TTLL5: variants seen among roughly 807,000 people sequenced by gnomAD.
The protein encoded by TTLL5 is tubulin polyglutamylase TTLL5.
Under a neutral mutation model 168.4 loss-of-function variants are expected in TTLL5, and 132 were observed. That is an observed-to-expected ratio of 0.78 (90% CI 0.68 to 0.91). The LOEUF is 0.91. Among genes scored for constraint, TTLL5 ranks in the 40% least tolerant of loss-of-function variants. TTLL5 has a pLI of 0.00. For synonymous variants in TTLL5, 546 were observed against 558.6 expected (o/e 0.98, Z 0.32); for missense variants, 1,545 against 1,581.5 (o/e 0.98, Z 0.39).
At chr14:75,665,610 G>A (rs1005692558) in intron 2 of TTLL5, among the ~76,000 whole-genome samples, 1 of 152,226 alleles carries the variant, frequency 6.6e-6, no homozygotes, top group African/African-American at 2.4e-5. Context: ...TGTAATCCCA[G>A]CACTTTGGGA....
chr14:75,910,564 T>G (rs576819403), intron 31 of TTLL5, among the ~76,000 whole-genome samples: 195 of 152,336 alleles, frequency 1.3e-3, no homozygotes, highest in Non-Finnish European at 2.4e-3. Context: ...CCTCATATCC[T>G]CAGGGCATAA....
At chr14:75,831,547 C>T (rs1342267116) in intron 28 of TTLL5, among the ~76,000 whole-genome samples, 1 of 152,160 alleles carries the variant, frequency 6.6e-6, no homozygotes, top group African/African-American at 2.4e-5. Context: ...GCTGGAGGTT[C>T]TGACATGGCT....
intron 21 of TTLL5, among the ~76,000 whole-genome samples, chr14:75,773,962 AG>A (rs1891546497): frequency 4.2e-5 from 2 of 47,610 alleles, no homozygotes; most frequent in African/African-American, 6.7e-5. Flanking sequence ...AGAGAAAGAG[AG>A]AGAGAGAGAG....
chr14:75,858,974 A>G (rs1465177098), intron 28 of TTLL5, among the ~76,000 whole-genome samples: 1 of 152,150 alleles, frequency 6.6e-6, no homozygotes, highest in Non-Finnish European at 1.5e-5. Context: ...CTCCACCCCC[A>G]TCATTGTGAC....
chr14:75,750,559 A>G (rs1271382446), intron 17 of TTLL5, among the ~76,000 whole-genome samples: 1 of 151,712 alleles, frequency 6.6e-6, no homozygotes, highest in East Asian at 1.9e-4. Flanking sequence ...TGTAATACAT[A>G]TAACATGCAA....
chr14:75,808,805 A>T (rs1216409991), intron 27 of TTLL5, among the ~76,000 whole-genome samples: 1 of 151,898 alleles, frequency 6.6e-6, no homozygotes, highest in Non-Finnish European at 1.5e-5. Flanking sequence ...TAAAATTTTT[A>T]TATAGAGGTG....
intron 30 of TTLL5, chr14:75,886,910 G>C: frequency 4.2e-6 from 6 of 1,444,054 alleles, no homozygotes; most frequent in Non-Finnish European, 5.4e-6. Context: ...GCAAAACTCA[G>C]ACTGAATGAA....
intron 28 of TTLL5, among the ~76,000 whole-genome samples, chr14:75,849,030 T>G (rs1227609414): frequency 6.6e-6 from 1 of 152,238 alleles, no homozygotes; most frequent in Non-Finnish European, 1.5e-5. Context: ...TCCAGCTGGC[T>G]GGAATCTCAT....
intron 3 of TTLL5, among the ~76,000 whole-genome samples, chr14:75,675,422 A>T (rs1884065497): frequency 6.6e-6 from 1 of 151,898 alleles, no homozygotes; most frequent in African/African-American, 2.4e-5. Flanking sequence ...GTTTGTTTTC[A>T]TTTGCTCTGC....
intron 29 of TTLL5, among the ~76,000 whole-genome samples, chr14:75,881,718 A>G (rs1419876721): frequency 6.6e-6 from 1 of 152,156 alleles, no homozygotes; most frequent in African/African-American, 2.4e-5. Flanking sequence ...AATACTATGT[A>G]TTTTGTCAAT....
At chr14:75,757,572 G>A (rs1890357126) in intron 18 of TTLL5, among the ~76,000 whole-genome samples, 1 of 152,166 alleles carries the variant, frequency 6.6e-6, no homozygotes. Context: ...AGATAAGCAA[G>A]TACAAATAAT....
intron 28 of TTLL5, among the ~76,000 whole-genome samples, chr14:75,860,516 G>A (rs767813743): frequency 4.6e-5 from 7 of 152,222 alleles, no homozygotes; most frequent in South Asian, 2.1e-4. Context: ...AAGCAGGAAC[G>A]AAAGCAGAAC....
Position 75,793,050 on chromosome 14 carries a change from G to A in TTLL5, c.3121G>A (p.Ala1041Thr). 6.2e-7 allele frequency: 1 copy of A among 1,613,798 alleles called. No individual in the cohort carries two copies. Among genetic ancestry groups the A allele is most frequent in the Middle Eastern group, 1.7e-4 (1 of 6,060 alleles). ...AELQRLAEKQ[A>T]ARQYSPSSHI... ...ACTTCAGCGGCTAGCTGAGAAGCAG[G>A]CAGCGAGACAGTATTCTCCATCCAG... Residue 1041 changes from alanine to threonine, a missense_variant, in exon 27 of 32, where the codon GCA becomes ACA. Physicochemically the swap from Ala to Thr is moderately conservative, Grantham distance 58. Transcript: ENST00000298832.
intron 31 of TTLL5, 39 bp downstream of exon 31, chr14:75,902,263 C>CA: frequency 6.2e-7 from 1 of 1,602,860 alleles, no homozygotes; most frequent in South Asian, 1.1e-5. Flanking sequence ...GGATAGATGA[C>CA]AGGGAAGGTG....
chr14:75,727,904 T>C, intron 12 of TTLL5: 1 of 467,994 alleles, frequency 2.1e-6, no homozygotes, highest in South Asian at 1.5e-5. Context: ...AGGAGTCCTT[T>C]TGGGGTGATG....
chr14:75,808,162 A>C (rs552423883), intron 27 of TTLL5, among the ~76,000 whole-genome samples: 111 of 152,292 alleles, frequency 7.3e-4, no homozygotes, highest in Non-Finnish European at 1.4e-3. Flanking sequence ...TTTCCCAGGA[A>C]TGTCTCTGGC....
chr14:75,932,494 C>A (rs2034307978), intron 31 of TTLL5, among the ~76,000 whole-genome samples: 1 of 152,176 alleles, frequency 6.6e-6, no homozygotes, highest in Admixed American at 6.5e-5. Context: ...TTCATCCCAA[C>A]ACAGCCTGTA....
intron 31 of TTLL5, among the ~76,000 whole-genome samples, chr14:75,914,911 C>T (rs944757895): frequency 1.3e-5 from 2 of 152,228 alleles, no homozygotes; most frequent in Admixed American, 1.3e-4. Flanking sequence ...GCATGAGCCA[C>T]TGTGCCCGGC....
rs149346221 is a variant in TTLL5, at chr14:75,770,723, C to T, written c.2016-1011C>T. Among the ~76,000 whole-genome samples the T allele has an allele frequency of 2.0e-3, 308 of 152,278 alleles. 1 individual carries two copies. Among genetic ancestry groups the T allele is most frequent in the African/African-American group, 5.3e-3 (219 of 41,554 alleles). ...TAGGCCACCAGGCAGAAAATAGCTG[C>T]GTTCTTTAATGATGTTGCTAAGGTG... On this transcript the variant is annotated intron_variant, in intron 20 of 31. Coordinates refer to ENST00000298832, the MANE Select transcript of TTLL5 (RefSeq NM_015072.5).
Sources: allele counts gnomAD v4.1 joint callset (sites outside exome capture counted in the v4.1 genomes callset), GRCh38; gene constraint gnomAD v4.1.1; transcripts MANE v1.5; gene names NCBI Gene and HGNC (gene_info 2026-07-23, HGNC 2026-07-21).